CPSF2: variants seen among roughly 807,000 people sequenced by gnomAD.
CPSF2 encodes cleavage and polyadenylation specificity factor subunit 2.
CPSF2 carries 51 observed loss-of-function variants against 84.2 expected under a neutral mutation model. That is an observed-to-expected ratio of 0.61 (90% CI 0.48 to 0.77). CPSF2 has a LOEUF of 0.77. Ranked by LOEUF, CPSF2 falls within the 30% of genes least tolerant of loss-of-function variation. The pLI, the probability that CPSF2 is intolerant of heterozygous loss-of-function variation, is 0.00. For synonymous variants in CPSF2, 286 were observed against 311.9 expected (o/e 0.92, Z 0.87); for missense variants, 641 against 929.4 (o/e 0.69, Z 4.03).
In CPSF2 at chr14:92,131,148, A is replaced by C. The variant is rs758145314; in HGVS notation, c.149+15A>C. On this transcript the variant is annotated intron_variant, in intron 3 of 15. Coordinates refer to ENST00000298875, the MANE Select transcript of CPSF2 (RefSeq NM_017437.3). ...TCCCTGAGGAAGTAAGTTACATTTC[A>C]TAATTCTATGTTTTTATTAAATCAA... 1 of 1,583,510 alleles carries C rather than the reference A, an allele frequency of 6.3e-7. No homozygotes were observed. The highest frequency in any genetic ancestry group is 8.6e-7 in the Non-Finnish European group (1 of 1,162,262).
intron 3 of CPSF2, among the ~76,000 whole-genome samples, chr14:92,133,194 C>T (rs1215528490): frequency 2.0e-5 from 3 of 152,002 alleles, no homozygotes; most frequent in African/African-American, 4.8e-5. Flanking sequence ...CCGAGGTGGG[C>T]GGATCACCTG....
rs560417856 is a variant in CPSF2 at position 92,156,296 on chromosome 14, C to A, written c.1443-183C>A. On this transcript the variant is annotated intron_variant, in intron 11 of 15. Transcript: ENST00000298875. The stretch of plus-strand genomic sequence containing the variant: ...GAGGGAGACTCTACCTCAAAAAAAA[C>A]CAAAAAACGCAATACATACAGCCAT... 7.2e-5 allele frequency among the ~76,000 whole-genome samples: 11 copies of A among 151,996 alleles called. No individual in the cohort carries two copies. The South Asian group carries it at 1.2e-3, about 17-fold the overall frequency.
intron 6 of CPSF2, 42 bp downstream of exon 6, chr14:92,135,538 AT>A (rs2068987553): frequency 6.5e-7 from 1 of 1,538,292 alleles, no homozygotes; most frequent in African/African-American, 1.6e-5. Flanking sequence ...TGCAATTGGT[AT>A]TATTTTATTC....
chr14:92,160,024 G>A (rs1411895937), intron 14 of CPSF2, among the ~76,000 whole-genome samples: 1 of 151,940 alleles, frequency 6.6e-6, no homozygotes, highest in Non-Finnish European at 1.5e-5. Context: ...GTGCAGTGGT[G>A]TGATCTTGTC....
At position 92,163,209 on chromosome 14, in the gene CPSF2, T is replaced by A. The variant is rs2141487229; in HGVS notation, c.*1465T>A. The A allele has an allele frequency of 6.6e-6, 1 of 152,326 alleles. No homozygotes were observed. The highest frequency in any genetic ancestry group is 2.1e-4 in the South Asian group (1 of 4,822). The allele number at this position is 152,326 out of a possible 1,614,324, so 9.4% of individuals were successfully genotyped here. On this transcript the variant is annotated 3_prime_UTR_variant, in exon 16 of 16. Transcript: ENST00000298875. ...ATGAATCACCACAACTAGCCTACCC[T>A]TAGATTTTTGGAAGGATCGATCTTA...
At chr14:92,128,038 T>TA (rs2068864720) in intron 2 of CPSF2, among the ~76,000 whole-genome samples, 2 of 152,162 alleles carry the variant, frequency 1.3e-5, no homozygotes, top group South Asian at 2.1e-4. Flanking sequence ...GGGTAATACT[T>TA]ACGGCCTGTT....
At chr14:92,134,442 T>C (rs1567018185) in intron 5 of CPSF2, 87 bp downstream of exon 5, 3 of 827,248 alleles carry the variant, frequency 3.6e-6, no homozygotes, top group Non-Finnish European at 5.8e-6. Flanking sequence ...GAGAAAATTA[T>C]AGGCATTATA....
intron 9 of CPSF2, among the ~76,000 whole-genome samples, chr14:92,148,013 C>G (rs192924670): frequency 6.6e-6 from 1 of 152,358 alleles, no homozygotes; most frequent in Admixed American, 6.5e-5. Flanking sequence ...GTGTGAGCCA[C>G]TGCTCCTGGC....
rs1007138682 is a variant in CPSF2, at chr14:92,163,415, T to C, written c.*1671T>C. ...GCAAATATAAAGAGTATGTTTTCTT[T>C]TTAGTGCTTTGGAAAAATTTCACTT... On this transcript the variant is annotated 3_prime_UTR_variant, in exon 16 of 16. Transcript: ENST00000298875. The C allele has an allele frequency of 3.3e-5, 5 of 152,672 alleles. No individual in the cohort carries two copies. The highest frequency in any genetic ancestry group is 4.8e-5 in the African/African-American group (2 of 41,448). 9.5% of individuals were successfully genotyped at this position (152,672 alleles called of 1,614,324 possible). A position where few individuals can be genotyped will look rare whatever the true frequency, so the allele number is the denominator to read the frequency against.
At chr14:92,144,123 T>C (rs1196342348) in intron 9 of CPSF2, among the ~76,000 whole-genome samples, 2 of 152,216 alleles carry the variant, frequency 1.3e-5, no homozygotes, top group Non-Finnish European at 2.9e-5. Flanking sequence ...GCTGATATGC[T>C]GACCCCTCCT....
rs766123124 is a variant in CPSF2 at position 92,159,126 on chromosome 14, T to C, written c.1965T>C (p.Asp655=). ...TTTTAGAAGAAGGAGAACTAAAGGA[T>C]GATGGAGAAGACTCAGAGATGCAAG... ...GVILEEGELK[D]DGEDSEMQVE... Residue 655 remains aspartate (D), a synonymous_variant, in exon 14 of 16, where the codon GAT becomes GAC. Transcript: ENST00000298875. 2.5e-6 allele frequency: 4 copies of C among 1,613,936 alleles called. No individual in the cohort carries two copies. In the South Asian group the frequency reaches 4.4e-5, roughly 18 times the overall value.
intron 9 of CPSF2, among the ~76,000 whole-genome samples, chr14:92,151,339 G>T (rs2069212588): frequency 6.6e-6 from 1 of 151,872 alleles, no homozygotes. Flanking sequence ...GCTGCAGTGA[G>T]CAGTGATCAT....
rs2069303184 is a variant in CPSF2, at chr14:92,157,355, A to C, written c.1596-304A>C. Among the ~76,000 whole-genome samples the C allele has an allele frequency of 6.6e-6, 1 of 152,084 alleles. No individual in the cohort carries two copies. The highest frequency in any genetic ancestry group is 2.4e-5 in the African/African-American group (1 of 41,440). On this transcript the variant is annotated intron_variant, in intron 12 of 15. Transcript: ENST00000298875. This position sits in a 1 kb window ranked among gnomAD's most constrained non-coding sequence, Gnocchi z 4.0. ...AAATCTCATCTCTACTGAAAATGCA[A>C]AATTATCCCTGCGTGGTGGTGCATG...
At chr14:92,153,563 G>A (rs993634194) in intron 9 of CPSF2, among the ~76,000 whole-genome samples, 1 of 152,006 alleles carries the variant, frequency 6.6e-6, no homozygotes, top group African/African-American at 2.4e-5. Flanking sequence ...TTCCTGATTG[G>A]TGATTTTTAA....
Position 92,157,554 on chromosome 14 carries a change from T to A in CPSF2, c.1596-105T>A. Reference sequence around the variant, plus strand: ...AATAAATCATACAGATACTATAACATGTGTATTTCTCAAATCCTAGTGTTA... The same window carrying A: ...AATAAATCATACAGATACTATAACAAGTGTATTTCTCAAATCCTAGTGTTA... On this transcript the variant is annotated intron_variant, in intron 12 of 15. Transcript: ENST00000298875. The surrounding 1 kb of genome is among the most constrained non-coding windows in gnomAD (Gnocchi z 4.0). 2.1e-6 allele frequency: 1 copy of A among 472,414 alleles called. No homozygotes were observed. Among genetic ancestry groups the A allele is most frequent in the Non-Finnish European group, 3.5e-6 (1 of 288,420 alleles). 29.3% of individuals were successfully genotyped at this position (472,414 alleles called of 1,614,324 possible). A position where few individuals can be genotyped will look rare whatever the true frequency, so the allele number is the denominator to read the frequency against.
intron 9 of CPSF2, among the ~76,000 whole-genome samples, chr14:92,149,774 G>C (rs2069188318): frequency 6.6e-6 from 1 of 151,966 alleles, no homozygotes; most frequent in Admixed American, 6.6e-5. Flanking sequence ...TCCTGCTTCA[G>C]CCTCCTGAGT....
intron 6 of CPSF2, 77 bp downstream of exon 6, chr14:92,135,573 A>G (rs1438101698): frequency 2.1e-6 from 3 of 1,461,836 alleles, no homozygotes; most frequent in Non-Finnish European, 2.8e-6. Context: ...TAAGAAACAC[A>G]GTTTTTGTTT....
intron 11 of CPSF2, among the ~76,000 whole-genome samples, chr14:92,156,103 G>T (rs1031147893): frequency 2.6e-5 from 4 of 152,090 alleles, no homozygotes; most frequent in Non-Finnish European, 5.9e-5. Flanking sequence ...GCCTGGCCAA[G>T]ATGGTGAAAC....
At chr14:92,148,436 C>T (rs1216449922) in intron 9 of CPSF2, among the ~76,000 whole-genome samples, 1 of 152,164 alleles carries the variant, frequency 6.6e-6, no homozygotes, top group East Asian at 1.9e-4. Flanking sequence ...ACATTGATAC[C>T]ATCCTACCAT....
Sources: allele counts gnomAD v4.1 joint callset (sites outside exome capture counted in the v4.1 genomes callset), GRCh38; gene constraint gnomAD v4.1.1; non-coding constraint Gnocchi (gnomAD v3.1); transcripts MANE v1.5; gene names NCBI Gene and HGNC (gene_info 2026-07-23, HGNC 2026-07-21).